Variants in PRDM4 observed in about 807,000 individuals in gnomAD.
PRDM4 encodes PR/SET domain 4, also known as PR domain zinc finger protein 4.
Under a neutral mutation model 62.3 loss-of-function variants are expected in PRDM4, and 38 were observed. The observed-to-expected ratio is 0.61, with a 90% CI of 0.47 to 0.80. PRDM4 has a LOEUF of 0.80. Among genes scored for constraint, PRDM4 ranks in the 30% least tolerant of loss-of-function variants. PRDM4 has a pLI of 0.00. For missense variants in PRDM4, 858 were observed against 997.1 expected, an observed-to-expected ratio of 0.86 and a Z score of 1.88; for synonymous variants, 339 against 348.2, an observed-to-expected ratio of 0.97 and a Z score of 0.30.
At chr12:107,758,562 G>C (rs1891133965) in intron 2 of PRDM4, among the ~76,000 whole-genome samples, 1 of 152,260 alleles carries the variant, frequency 6.6e-6, no homozygotes, top group East Asian at 1.9e-4. Flanking sequence ...CCAGTAAGGA[G>C]AGCTGGGATT....
At chr12:107,756,773 A>T in intron 3 of PRDM4, 59 bp downstream of exon 3, 1 of 1,594,948 alleles carries the variant, frequency 6.3e-7, no homozygotes, top group Non-Finnish European at 8.6e-7. Flanking sequence ...TCTAGACTCC[A>T]TTTAGAATTG....
At chr12:107,745,731 C>G (rs1334763155) in intron 6 of PRDM4, among the ~76,000 whole-genome samples, 3 of 152,202 alleles carry the variant, frequency 2.0e-5, no homozygotes, top group Non-Finnish European at 2.9e-5. Context: ...TGAAATGACT[C>G]ACACCCAAAC....
intron 11 of PRDM4, among the ~76,000 whole-genome samples, chr12:107,737,231 TG>T (rs879622902): frequency 5.3e-5 from 8 of 152,100 alleles, no homozygotes; most frequent in Non-Finnish European, 1.2e-4. Context: ...GGGCTGTAGC[TG>T]TTTTTTTTAA....
Position 107,751,425 on chromosome 12 carries a change from C to A in PRDM4, c.1116G>T (p.Leu372Phe), listed in dbSNP as rs761666887. Residue 372 changes from leucine to phenylalanine, a missense_variant, in exon 5 of 12, where the codon TTG becomes TTT. Leu to Phe is a conservative substitution (Grantham distance 22). Transcript: ENST00000228437. Reference sequence around the variant, plus strand: ...GCTAAACACACTCACAAATTGTAAACAAGGTTGCCATGTTCTCCTTGTTTG... The same window carrying A: ...GCTAAACACACTCACAAATTGTAAAAAAGGTTGCCATGTTCTCCTTGTTTG... ...SNSNKENMAT[L>F]FTIWCTLCDR... is the part of the protein sequence containing the mutation. 5 of 1,601,632 alleles carry A rather than the reference C, an allele frequency of 3.1e-6. No individual in the cohort carries two copies. The highest frequency in any genetic ancestry group is 4.3e-6 in the Non-Finnish European group (5 of 1,169,582).
chr12:107,748,194 AT>A (rs1225400080), intron 5 of PRDM4, among the ~76,000 whole-genome samples: 2 of 152,130 alleles, frequency 1.3e-5, no homozygotes, highest in African/African-American at 4.8e-5. Flanking sequence ...AAATAAAAAA[AT>A]AAATAAATAA....
In PRDM4 at chr12:107,751,663, G is replaced by T; in HGVS notation, c.878C>A (p.Ala293Asp). 6.2e-7 allele frequency: 1 copy of T among 1,614,160 alleles called. No homozygotes were observed. Among genetic ancestry groups the T allele is most frequent in the Non-Finnish European group, 8.5e-7 (1 of 1,180,026 alleles). Reference protein sequence around the residue: ...SALSDSIHTVAMSTNSVSVAL... With the variant: ...SALSDSIHTVDMSTNSVSVAL... ...CACGCTTACAGAGTTGGTGCTCATG[G>T]CCACAGTGTGAATGGAGTCACTGAG... is the stretch of plus-strand genomic sequence containing the variant. Residue 293 changes from alanine (A) to aspartate (D), a missense_variant, in exon 5 of 12, where the codon GCC (alanine) becomes GAC (aspartate). By Grantham distance (126) the Ala-to-Asp change is moderately radical (BLOSUM62 -2). Coordinates refer to ENST00000228437, the MANE Select transcript of PRDM4 (RefSeq NM_012406.4).
Position 107,741,106 on chromosome 12 carries a change from C to T in PRDM4, c.1764G>A (p.Arg588=). 1.9e-6 allele frequency: 3 copies of T among 1,614,168 alleles called. No homozygotes were observed. Among genetic ancestry groups the T allele is most frequent in the Non-Finnish European group, 2.5e-6 (3 of 1,180,044 alleles). The change falls in exon 10 of 12, where the codon AGG becomes AGA. Residue 588 remains arginine (R), a synonymous_variant. Coordinates refer to ENST00000228437, the MANE Select transcript of PRDM4 (RefSeq NM_012406.4). ...GSHGPSHSKE[R]KWKCSMCPQA... is the part of the protein sequence containing the mutation. ...GGGGGCACATTGAGCACTTCCACTT[C>T]CTTTCTTTGCTGTGACTTGGCCCAT... is the stretch of plus-strand genomic sequence containing the variant.
At position 107,744,652 on chromosome 12, in the gene PRDM4, G is replaced by T; in HGVS notation, c.1286C>A (p.Thr429Asn). Residue 429 changes from threonine to asparagine, a missense_variant, in exon 7 of 12, where the codon ACT (threonine) becomes AAT (asparagine). By Grantham distance (65) the Thr-to-Asn change is moderately conservative (BLOSUM62 0). This residue lies in a region of PRDM4 where 499 missense variants were observed against 546.7 expected (regional missense o/e 0.91). Transcript: ENST00000228437. The stretch of plus-strand genomic sequence containing the variant: ...AGTCCGCACAGGAATGGTTTCTCCA[G>T]TCCATACACCTGTCAGTGGAAGGAC... The part of the protein sequence containing the change: ...SIVGAEVGVW[T>N]GETIPVRTCF... 6.2e-7 allele frequency: 1 copy of T among 1,613,668 alleles called. No individual in the cohort carries two copies. Among genetic ancestry groups the T allele is most frequent in the Non-Finnish European group, 8.5e-7 (1 of 1,179,614 alleles).
chr12:107,756,994 G>A, intron 2 of PRDM4, 29 bp from the exon 3 acceptor site: 1 of 1,610,344 alleles, frequency 6.2e-7, no homozygotes, highest in Non-Finnish European at 8.5e-7. Context: ...AACTAGTTAT[G>A]CAAAAATTTA....
chr12:107,760,867 C>T (rs527494674), intron 1 of PRDM4, 90 bp downstream of exon 1: 11 of 166,512 alleles, frequency 6.6e-5, no homozygotes, highest in South Asian at 1.4e-4. Context: ...CCGACACCGC[C>T]ACCCAAGGGC....
At position 107,746,545 on chromosome 12, in the gene PRDM4, C is replaced by T. The variant is rs112419555; in HGVS notation, c.1127-121G>A. 0.013 allele frequency: 12,720 copies of T among 949,174 alleles called. 1,209 individuals carry two copies. In the African/African-American group the frequency reaches 0.2, roughly 15 times the overall value. The allele number at this position is 949,174 out of a possible 1,614,324, so 58.8% of individuals were successfully genotyped here. On this transcript the variant is annotated intron_variant, in intron 5 of 11. Transcript: ENST00000228437. ...CTGCACCCAGGCTGGAGTGCAATGG[C>T]GCGATTTTGGCTCACTGCAACCTCT...
chr12:107,753,427 T>C (rs1890963884), intron 4 of PRDM4, among the ~76,000 whole-genome samples: 1 of 150,894 alleles, frequency 6.6e-6, no homozygotes, highest in Admixed American at 6.6e-5. Context: ...AACCGTGGTC[T>C]TAATTATGAA....
chr12:107,744,411 C>G (rs1334473100), intron 7 of PRDM4, 132 bp downstream of exon 7: 1 of 1,010,058 alleles, frequency 9.9e-7, no homozygotes, highest in Non-Finnish European at 1.4e-6. Context: ...AAAAAATGTA[C>G]GTGAAATAAA....
At chr12:107,735,397 G>C (rs963887530) in intron 11 of PRDM4, among the ~76,000 whole-genome samples, 1 of 152,132 alleles carries the variant, frequency 6.6e-6, no homozygotes, top group South Asian at 2.1e-4. Context: ...CAATTAGCCA[G>C]TACATAATGG....
At chr12:107,745,116 G>C (rs1325203833) in intron 6 of PRDM4, among the ~76,000 whole-genome samples, 1 of 39,040 alleles carries the variant, frequency 2.6e-5, no homozygotes, top group Non-Finnish European at 4.7e-5. Flanking sequence ...AGGTGACTAA[G>C]CCTTGTGGGT....
In PRDM4 at chr12:107,746,437, A is replaced by G. The variant is rs760561027; in HGVS notation, c.1127-13T>C. 2 of 1,556,974 alleles carry G rather than the reference A, an allele frequency of 1.3e-6. No homozygotes were observed. Among genetic ancestry groups the G allele is most frequent in the Non-Finnish European group, 1.7e-6 (2 of 1,152,578 alleles). ...CACAGAGTACACCCTGTAGATGGCA[A>G]ATTTGAGCAATACAAATGGGTTTAG... On this transcript the variant is annotated splice_polypyrimidine_tract_variant and intron_variant, in intron 5 of 11. Coordinates refer to ENST00000228437, the MANE Select transcript of PRDM4 (RefSeq NM_012406.4).
intron 5 of PRDM4, among the ~76,000 whole-genome samples, chr12:107,750,121 CTTA>C (rs1307760307): frequency 6.6e-6 from 1 of 152,176 alleles, no homozygotes; most frequent in African/African-American, 2.4e-5. Context: ...CATCGTCACA[CTTA>C]TTATTATCCT....
intron 8 of PRDM4, 198 bp from the exon 9 acceptor site, chr12:107,742,546 C>G: frequency 1.7e-6 from 1 of 587,826 alleles, no homozygotes. Flanking sequence ...AACATATTAG[C>G]TGATGACCTT....
chr12:107,747,345 T>C (rs1013334319), intron 5 of PRDM4, among the ~76,000 whole-genome samples: 5 of 151,404 alleles, frequency 3.3e-5, no homozygotes, highest in Admixed American at 1.3e-4. Flanking sequence ...CCCAGTGACC[T>C]ATGCTATGAA....
Sources: gnomAD v4.1 joint callset for allele counts (sites outside exome capture counted in the v4.1 genomes callset) on GRCh38, gnomAD v4.1.1 for gene constraint, gnomAD v4.1.1 regional missense constraint, MANE v1.5 for transcripts, NCBI Gene and HGNC (gene_info 2026-07-23, HGNC 2026-07-21) for gene names.